The following TAOK1 variants were observed in gnomAD, a reference collection of about 807,000 sequenced individuals.
TAOK1 encodes TAO kinase 1.
A neutral mutation model predicts 138.3 loss-of-function variants in TAOK1; 21 were observed. The observed-to-expected ratio is 0.15, with a 90% CI of 0.11 to 0.22. TAOK1 has a LOEUF of 0.22. Ranked by LOEUF, TAOK1 falls within the 10% of genes least tolerant of loss-of-function variation. The pLI is 1.00. For synonymous variants in TAOK1, 361 were observed against 398.4 expected, an observed-to-expected ratio of 0.91 and a Z score of 1.12; for missense variants, 651 against 1,227.7, an observed-to-expected ratio of 0.53 and a Z score of 7.02.
chr17:29,422,985 A>T lies in TAOK1; in HGVS notation c.-94-28470A>T, dbSNP rs183783019. Among the ~76,000 whole-genome samples, 732 of 152,268 alleles carry T rather than the reference A, an allele frequency of 4.8e-3. 1 individual carries two copies. Among genetic ancestry groups the T allele is most frequent in the Non-Finnish European group, 8.5e-3 (580 of 68,016 alleles). ...GGTTGCAGTGAGTTGAGATCGCCTCATTGCACTCTAGCCTGGGTGACAGAG... is the reference window on the plus strand; with the variant it reads ...GGTTGCAGTGAGTTGAGATCGCCTCTTTGCACTCTAGCCTGGGTGACAGAG... On this transcript the variant is annotated intron_variant, in intron 1 of 19. Transcript: ENST00000261716.
chr17:29,532,238 C>T (rs1353589525), intron 18 of TAOK1, among the ~76,000 whole-genome samples: 1 of 152,094 alleles, frequency 6.6e-6, no homozygotes, highest in East Asian at 1.9e-4. Context: ...GGCGCCTGCT[C>T]ATACTTTGCT....
At chr17:29,411,849 C>A (rs1365238941) in intron 1 of TAOK1, among the ~76,000 whole-genome samples, 1 of 152,070 alleles carries the variant, frequency 6.6e-6, no homozygotes, top group African/African-American at 2.4e-5. Context: ...CTTGAAGGCT[C>A]CCTCGTGTCC....
intron 1 of TAOK1, among the ~76,000 whole-genome samples, chr17:29,421,793 G>A (rs927527560): frequency 2.6e-5 from 4 of 152,156 alleles, no homozygotes; most frequent in South Asian, 4.1e-4. Context: ...GGTAGAGATT[G>A]GGTTTTGGCA....
intron 16 of TAOK1, among the ~76,000 whole-genome samples, chr17:29,519,799 A>T (rs2031884418): frequency 6.6e-6 from 1 of 152,216 alleles, no homozygotes; most frequent in Non-Finnish European, 1.5e-5. Flanking sequence ...AGCTTTTAAA[A>T]TTTAATACGC....
chr17:29,409,627 C>G (rs1025849997), intron 1 of TAOK1, among the ~76,000 whole-genome samples: 2 of 152,100 alleles, frequency 1.3e-5, no homozygotes, highest in Non-Finnish European at 2.9e-5. Flanking sequence ...GCCACCGCAC[C>G]CAGCCTATGG....
chr17:29,520,755 G>A (rs1228775449), intron 16 of TAOK1, among the ~76,000 whole-genome samples: 2 of 151,306 alleles, frequency 1.3e-5, no homozygotes, highest in East Asian at 4.0e-4. Flanking sequence ...CCGGGTAGTA[G>A]TGGCTCACGC....
chr17:29,542,874 G>A lies in TAOK1; in HGVS notation c.2858G>A (p.Gly953Glu). 1 of 1,614,112 alleles carries A rather than the reference G, an allele frequency of 6.2e-7. No individual in the cohort carries two copies. The highest frequency in any genetic ancestry group is 8.5e-7 in the Non-Finnish European group (1 of 1,179,992). Residue 953 changes from glycine (G) to glutamate (E), a missense_variant, in exon 20 of 20, where the codon GGG (glycine) becomes GAG (glutamate). This residue lies in a region of TAOK1 where 108 missense variants were observed against 120.3 expected (regional missense o/e 0.90). Transcript: ENST00000261716. ...GGTCACCCTTCAGGGCCAATGCAAG[G>A]GGTACCTCGAGGTAGCAGTATGGGA... is the stretch of plus-strand genomic sequence containing the variant. ...PWGHPSGPMQ[G>E]VPRGSSMGVR...
chr17:29,411,371 G>A (rs113275383), intron 1 of TAOK1, among the ~76,000 whole-genome samples: 4,153 of 151,964 alleles, frequency 0.027, 162 homozygotes, highest in African/African-American at 0.095. Context: ...GATTACAGGC[G>A]TGAGCCACCG....
chr17:29,530,258 G>A (rs2032079743), intron 17 of TAOK1, 149 bp from the exon 18 acceptor site: 7 of 670,196 alleles, frequency 1.0e-5, no homozygotes, highest in African/African-American at 3.6e-5. Context: ...ATAGCCAAGT[G>A]CAAAAAGTAC....
At chr17:29,523,088 A>C (rs1398594630) in intron 17 of TAOK1, among the ~76,000 whole-genome samples, 2 of 151,820 alleles carry the variant, frequency 1.3e-5, no homozygotes, top group Non-Finnish European at 2.9e-5. Flanking sequence ...AAAAAAAAAA[A>C]AAAAAATGTA....
Position 29,451,752 on chromosome 17 carries a change from TA to T in TAOK1, c.132+74del. ...CCACTCCTGACAGAGCAAAATATAG[TA>T]ATGAAAAGAGATATAGGCCATAGTC... On this transcript the variant is annotated intron_variant, in intron 2 of 19. Transcript: ENST00000261716. The T allele has an allele frequency of 6.6e-6, 10 of 1,525,052 alleles. No homozygotes were observed. The South Asian group carries it at 1.3e-4, about 20-fold the overall frequency. 94.5% of individuals were successfully genotyped at this position (1,525,052 alleles called of 1,614,324 possible).
At chr17:29,406,590 C>G (rs1457210869) in intron 1 of TAOK1, among the ~76,000 whole-genome samples, 1 of 152,028 alleles carries the variant, frequency 6.6e-6, no homozygotes, top group Non-Finnish European at 1.5e-5. Flanking sequence ...TGCAATGGCA[C>G]AATCACGGCT....
chr17:29,421,854 C>T (rs777932945), intron 1 of TAOK1, among the ~76,000 whole-genome samples: 1 of 151,958 alleles, frequency 6.6e-6, no homozygotes, highest in Admixed American at 6.6e-5. Flanking sequence ...CCTCGCCACT[C>T]GGCTTCCTAT....
chr17:29,478,232 T>C lies in TAOK1; in HGVS notation c.353-19T>C. The C allele has an allele frequency of 6.4e-7, 1 of 1,566,942 alleles. No individual in the cohort carries two copies. Among genetic ancestry groups the C allele is most frequent in the Middle Eastern group, 1.9e-4 (1 of 5,272 alleles). ...ACAAAAATGTTCTGTGTATTAATTA[T>C]TTTGAAATAAATTTTAAGTTCACAA... is the stretch of plus-strand genomic sequence containing the variant. On this transcript the variant is annotated intron_variant, in intron 5 of 19. Coordinates refer to ENST00000261716, the MANE Select transcript of TAOK1 (RefSeq NM_020791.4).
chr17:29,462,881 T>C (rs2030562742), intron 2 of TAOK1, among the ~76,000 whole-genome samples: 2 of 152,236 alleles, frequency 1.3e-5, no homozygotes, highest in Non-Finnish European at 1.5e-5. Flanking sequence ...TCTTTAGGAC[T>C]ACAACTTATT....
intron 3 of TAOK1, among the ~76,000 whole-genome samples, chr17:29,469,383 A>G (rs1166718240): frequency 6.6e-6 from 1 of 152,198 alleles, no homozygotes; most frequent in Non-Finnish European, 1.5e-5. Flanking sequence ...AGTGGAATTA[A>G]GTGCATTCAC....
At chr17:29,512,974 G>A (rs1014916197) in intron 15 of TAOK1, 1 of 151,834 alleles carries the variant, frequency 6.6e-6, no homozygotes, top group Admixed American at 6.6e-5. Context: ...GAGCCACCAT[G>A]CCTGGCCCGA....
intron 1 of TAOK1, among the ~76,000 whole-genome samples, chr17:29,393,187 A>G (rs999596945): frequency 3.9e-5 from 6 of 152,296 alleles, no homozygotes; most frequent in African/African-American, 1.4e-4. Flanking sequence ...CTTGTTGTTG[A>G]TAATTATTTC....
At chr17:29,494,843 A>AG (rs1457838123) in intron 10 of TAOK1, among the ~76,000 whole-genome samples, 1 of 151,766 alleles carries the variant, frequency 6.6e-6, no homozygotes, top group Non-Finnish European at 1.5e-5. Context: ...AAAAAAAAAA[A>AG]AAAAAGAATT....
Sources: gnomAD v4.1 joint callset for allele counts (sites outside exome capture counted in the v4.1 genomes callset) on GRCh38, gnomAD v4.1.1 for gene constraint, gnomAD v4.1.1 regional missense constraint, MANE v1.5 for transcripts, NCBI Gene and HGNC (gene_info 2026-07-23, HGNC 2026-07-21) for gene names.